Variants in ZNF438 observed in about 807,000 individuals in gnomAD.
ZNF438 encodes zinc finger protein 438.
A neutral mutation model predicts 38.0 loss-of-function variants in ZNF438; 25 were observed. That is an observed-to-expected ratio of 0.66 (90% confidence interval 0.48 to 0.92). ZNF438 has a LOEUF of 0.92. Among genes scored for constraint, ZNF438 ranks in the 40% least tolerant of loss-of-function variants. ZNF438 has a pLI of 0.00. For missense variants in ZNF438, 1,007 were observed against 999.6 expected, an observed-to-expected ratio of 1.01 and a Z score of -0.10; for synonymous variants, 372 against 364.1, an observed-to-expected ratio of 1.02 and a Z score of -0.25.
chr10:30,961,624 C>A (rs896595061), intron 1 of ZNF438, among the ~76,000 whole-genome samples: 1 of 146,328 alleles, frequency 6.8e-6, no homozygotes, highest in African/African-American at 2.4e-5. Context: ...CAGTGGCTCA[C>A]GCCTGTAATC....
At chr10:30,869,701 C>G (rs765581304) in intron 4 of ZNF438, among the ~76,000 whole-genome samples, 1 of 152,208 alleles carries the variant, frequency 6.6e-6, no homozygotes, top group Non-Finnish European at 1.5e-5. Flanking sequence ...TTAACCAAAA[C>G]CAGCTTGCAA....
At chr10:30,857,770 G>T in intron 4 of ZNF438, 1 of 1,443,362 alleles carries the variant, frequency 6.9e-7, no homozygotes, top group South Asian at 1.5e-5. Context: ...TGCCATCAAA[G>T]GATTGGATCT....
intron 3 of ZNF438, among the ~76,000 whole-genome samples, chr10:30,877,714 A>T (rs1242799649): frequency 6.6e-6 from 1 of 152,186 alleles, no homozygotes; most frequent in Non-Finnish European, 1.5e-5. Context: ...GCTATTTTCC[A>T]AATTGTGTAT....
chr10:30,997,134 G>T (rs570368800), intron 1 of ZNF438, among the ~76,000 whole-genome samples: 3 of 152,140 alleles, frequency 2.0e-5, no homozygotes, highest in African/African-American at 7.2e-5. Flanking sequence ...CCTTAAGACA[G>T]AACCTACAAA....
At position 31,020,301 on chromosome 10, in the gene ZNF438, C is replaced by T. The variant is rs79493225; in HGVS notation, c.-192+11532G>A. Reference sequence around the variant, plus strand: ...GAGGACTGCAGCCAGGGACACACTTCCAAGTTGCCTAGCTGAGTGCTCCAG... The same window carrying T: ...GAGGACTGCAGCCAGGGACACACTTTCAAGTTGCCTAGCTGAGTGCTCCAG... On this transcript the variant is annotated intron_variant, in intron 1 of 5. Coordinates refer to ENST00000413025, the Ensembl canonical transcript of ZNF438. 6.1e-3 allele frequency among the ~76,000 whole-genome samples: 930 copies of T among 152,258 alleles called. 11 individuals are homozygous for T. Among genetic ancestry groups the T allele is most frequent in the African/African-American group, 0.021 (870 of 41,534 alleles).
At chr10:30,927,377 T>C (rs2045078989) in intron 2 of ZNF438, among the ~76,000 whole-genome samples, 1 of 152,160 alleles carries the variant, frequency 6.6e-6, no homozygotes, top group South Asian at 2.1e-4. Context: ...AATGTCCACA[T>C]ATATATGACC....
rs147399165 is a variant in ZNF438, at chr10:30,957,542, G to A, written c.-191-15891C>T. Among the ~76,000 whole-genome samples, 346 of 152,160 alleles carry A rather than the reference G, an allele frequency of 2.3e-3. 3 individuals carry two copies. Among genetic ancestry groups the A allele is most frequent in the African/African-American group, 7.9e-3 (329 of 41,504 alleles). The stretch of plus-strand genomic sequence containing the variant: ...CTTTAATCCATTTTGAGTTGATGTT[G>A]GTAAGAAACAGGTATCTAGTTTCTG... On this transcript the variant is annotated intron_variant, in intron 1 of 5. Transcript: ENST00000413025.
intron 4 of ZNF438, among the ~76,000 whole-genome samples, chr10:30,865,494 T>C (rs1264796206): frequency 6.6e-6 from 1 of 152,212 alleles, no homozygotes; most frequent in African/African-American, 2.4e-5. Flanking sequence ...TTAAAAATAA[T>C]ATACATTTCT....
intron 3 of ZNF438, among the ~76,000 whole-genome samples, chr10:30,881,283 G>A (rs1276523802): frequency 6.6e-6 from 1 of 152,018 alleles, no homozygotes; most frequent in Non-Finnish European, 1.5e-5. Flanking sequence ...GTTTAGCAAG[G>A]TTACACAATA....
At chr10:30,940,642 G>A (rs1172031663) in intron 2 of ZNF438, among the ~76,000 whole-genome samples, 6 of 152,188 alleles carry the variant, frequency 3.9e-5, no homozygotes, top group Non-Finnish European at 7.3e-5. Context: ...CCATCCAAGA[G>A]GGAGTTGGAA....
intron 1 of ZNF438, among the ~76,000 whole-genome samples, chr10:30,997,601 G>A (rs55913151): frequency 0.056 from 8,401 of 150,908 alleles, 276 homozygotes; most frequent in Non-Finnish European, 0.074. Flanking sequence ...TACCTTGGGA[G>A]GAGTGAAGGG....
intron 1 of ZNF438, among the ~76,000 whole-genome samples, chr10:31,023,957 C>T (rs1250027406): frequency 2.6e-5 from 4 of 152,204 alleles, no homozygotes; most frequent in Admixed American, 2.0e-4. Context: ...TCTGCAAGCA[C>T]GGTTCTCCCC....
chr10:30,901,371 C>G (rs1392713872), intron 3 of ZNF438, among the ~76,000 whole-genome samples: 1 of 151,972 alleles, frequency 6.6e-6, no homozygotes, highest in South Asian at 2.1e-4. Flanking sequence ...AATGAAGCCG[C>G]GGACCCTCGC....
intron 3 of ZNF438, among the ~76,000 whole-genome samples, chr10:30,904,949 GTAATGCCTCA>G (rs1425472684): frequency 1.3e-5 from 2 of 152,104 alleles, no homozygotes; most frequent in Non-Finnish European, 2.9e-5. Context: ...TACCACAATT[GTAATGCCTCA>G]TACTCCTAAC....
intron 1 of ZNF438, among the ~76,000 whole-genome samples, chr10:30,959,326 A>T (rs996434012): frequency 4.1e-5 from 6 of 146,932 alleles, no homozygotes; most frequent in African/African-American, 1.5e-4. Flanking sequence ...CTCCCTGGGC[A>T]AAAGGGAAGT....
At chr10:31,023,940 A>T (rs2056775125) in intron 1 of ZNF438, among the ~76,000 whole-genome samples, 1 of 152,192 alleles carries the variant, frequency 6.6e-6, no homozygotes, top group Non-Finnish European at 1.5e-5. Flanking sequence ...TGTTTAAAGG[A>T]CTGTCTTCTG....
chr10:30,879,318 C>T (rs530201749), intron 3 of ZNF438, among the ~76,000 whole-genome samples: 21 of 152,266 alleles, frequency 1.4e-4, no homozygotes, highest in East Asian at 3.9e-4. Context: ...TCTGGTTTCA[C>T]GTAAATCTTA....
chr10:31,006,867 T>C (rs2055190020), intron 1 of ZNF438, among the ~76,000 whole-genome samples: 1 of 151,630 alleles, frequency 6.6e-6, no homozygotes, highest in South Asian at 2.1e-4. Context: ...ATTTTGAGTG[T>C]GTTTTTTCCA....
intron 2 of ZNF438, among the ~76,000 whole-genome samples, chr10:30,937,524 T>C (rs1025221005): frequency 6.6e-6 from 1 of 152,220 alleles, no homozygotes; most frequent in Non-Finnish European, 1.5e-5. Context: ...TAACTTCACT[T>C]ACTATTATGA....
Sources: allele counts gnomAD v4.1 joint callset (sites outside exome capture counted in the v4.1 genomes callset), GRCh38; gene constraint gnomAD v4.1.1; transcripts MANE v1.5; gene names NCBI Gene and HGNC (gene_info 2026-07-23, HGNC 2026-07-21).